TPO: variants seen among roughly 807,000 people sequenced by gnomAD.
TPO encodes thyroid microsomal antigen.
In TPO, 78 loss-of-function variants were observed where a neutral mutation model predicts 96.9. The observed-to-expected ratio is 0.81, with a 90% CI of 0.67 to 0.97. The LOEUF (loss-of-function observed/expected upper bound fraction) is 0.97. Ranked by LOEUF, TPO falls within the 50% of genes least tolerant of loss-of-function variation. The probability of loss-of-function intolerance (pLI) is 0.00; values close to 1 mark genes in which losing one functional copy is unlikely to be tolerated. For missense variants in TPO, 1,252 were observed against 1,274.8 expected (o/e 0.98, Z 0.27); for synonymous variants, 547 against 538.0 (o/e 1.02, Z -0.23).
intron 2 of TPO, among the ~76,000 whole-genome samples, chr2:1,421,863 T>A (rs1663573539): frequency 6.6e-6 from 1 of 152,188 alleles, no homozygotes; most frequent in African/African-American, 2.4e-5. Context: ...CACATTGCAC[T>A]GTCCCCAGCA....
chr2:1,486,088 C>T (rs992021916), intron 9 of TPO, among the ~76,000 whole-genome samples: 18 of 152,132 alleles, frequency 1.2e-4, no homozygotes, highest in Non-Finnish European at 2.1e-4. Flanking sequence ...TAAGGATTTT[C>T]GCATCGATGT....
At chr2:1,542,041 G>A (rs781513349) in intron 16 of TPO, 1 of 293,210 alleles carries the variant, frequency 3.4e-6, no homozygotes, top group Non-Finnish European at 6.4e-6. Flanking sequence ...AGCAAGGGCA[G>A]TGCCAGCAAG....
At position 1,481,189 on chromosome 2, in the gene TPO, G is replaced by C. The variant is rs187484395; in HGVS notation, c.1339-3407G>C. 5.8e-4 allele frequency among the ~76,000 whole-genome samples: 87 copies of C among 150,394 alleles called. No individual in the cohort carries two copies. The East Asian group carries it at 0.015, about 26-fold the overall frequency. ...TCCCAGAAAACCCTAGCTGCTTTAG[G>C]TGTGTCATAAGACAAGAACTCACAA... On this transcript the variant is annotated intron_variant, in intron 8 of 16. Transcript: ENST00000329066.
At chr2:1,403,102 G>A (rs1221331466) in intron 1 of TPO, among the ~76,000 whole-genome samples, 1 of 152,292 alleles carries the variant, frequency 6.6e-6, no homozygotes, top group East Asian at 1.9e-4. Flanking sequence ...TTTGTTTTAT[G>A]AATTGCCTGC....
chr2:1,488,043 C>G, intron 10 of TPO, 52 bp downstream of exon 10: 3 of 1,608,888 alleles, frequency 1.9e-6, no homozygotes, highest in Non-Finnish European at 2.5e-6. Context: ...CGGGATTTGC[C>G]GAGCTAGCAA....
chr2:1,451,233 G>T (rs1460455896), intron 5 of TPO, among the ~76,000 whole-genome samples: 1 of 152,172 alleles, frequency 6.6e-6, no homozygotes, highest in African/African-American at 2.4e-5. Flanking sequence ...GGACAAAACG[G>T]ATCTTTCCTT....
At chr2:1,524,298 C>T (rs1675909158) in intron 15 of TPO, among the ~76,000 whole-genome samples, 1 of 146,066 alleles carries the variant, frequency 6.8e-6, no homozygotes, top group African/African-American at 2.6e-5. Context: ...CTCCTCAAAT[C>T]CCCACACTGT....
At chr2:1,491,329 A>G (rs899195775) in intron 10 of TPO, among the ~76,000 whole-genome samples, 1 of 152,142 alleles carries the variant, frequency 6.6e-6, no homozygotes, top group Admixed American at 6.5e-5. Context: ...CAGGCCTTGC[A>G]TATTTTCCCT....
intron 1 of TPO, among the ~76,000 whole-genome samples, chr2:1,405,940 C>A (rs1662244153): frequency 6.6e-6 from 1 of 152,220 alleles, no homozygotes; most frequent in Non-Finnish European, 1.5e-5. Context: ...ACAGTCACCA[C>A]AATACAATCC....
intron 14 of TPO, among the ~76,000 whole-genome samples, chr2:1,514,999 G>A (rs1674535183): frequency 1.3e-5 from 2 of 152,168 alleles, no homozygotes; most frequent in African/African-American, 4.8e-5. Flanking sequence ...GGCTTTGCTG[G>A]TTTTTGAAGT....
chr2:1,440,951 A>G (rs1432957905), intron 5 of TPO, among the ~76,000 whole-genome samples: 2 of 151,656 alleles, frequency 1.3e-5, no homozygotes, highest in Non-Finnish European at 2.9e-5. Flanking sequence ...TGATCTAGTC[A>G]TTGCCACAGG....
chr2:1,486,963 G>C (rs28911477), intron 9 of TPO, among the ~76,000 whole-genome samples: 1 of 152,216 alleles, frequency 6.6e-6, no homozygotes, highest in Non-Finnish European at 1.5e-5. Flanking sequence ...GATGCATGTC[G>C]TGATTTCTAA....
At chr2:1,542,300 C>T (rs1313631028) in intron 16 of TPO, 121 bp from the exon 17 acceptor site, 7 of 1,344,744 alleles carry the variant, frequency 5.2e-6, no homozygotes, top group East Asian at 2.5e-5. Context: ...TGGCTCATCT[C>T]GCCAGCGGTC....
chr2:1,534,379 A>C, intron 15 of TPO, among the ~76,000 whole-genome samples: 1 of 144,012 alleles, frequency 6.9e-6, no homozygotes, highest in South Asian at 2.3e-4. Context: ...ACCTCCCCAA[A>C]TCCCTCCAAC....
intron 1 of TPO, among the ~76,000 whole-genome samples, chr2:1,380,548 A>C (rs530176795): frequency 6.6e-6 from 1 of 152,130 alleles, no homozygotes; most frequent in Non-Finnish European, 1.5e-5. Flanking sequence ...TTGATATGGA[A>C]ACTCATGATG....
rs550854945 is a variant in TPO at position 1,474,067 on chromosome 2, G to A, written c.820-3019G>A. On this transcript the variant is annotated intron_variant, in intron 7 of 16. Coordinates refer to ENST00000329066, the MANE Select transcript of TPO (RefSeq NM_001206744.2). ...CTAAGTACCAACAATGATAGCGGGA[G>A]TTTCTGCTAGTCCTTAATTTTAAAT... Among the ~76,000 whole-genome samples the A allele has an allele frequency of 7.9e-5, 12 of 152,262 alleles. No individual in the cohort carries two copies. In the East Asian group the frequency reaches 2.3e-3, roughly 29 times the overall value.
intron 15 of TPO, among the ~76,000 whole-genome samples, chr2:1,528,160 C>T (rs1404975887): frequency 7.0e-6 from 1 of 143,428 alleles, no homozygotes; most frequent in Non-Finnish European, 1.5e-5. Flanking sequence ...CCAACCAAAT[C>T]TCACCCACTG....
intron 10 of TPO, among the ~76,000 whole-genome samples, chr2:1,490,574 C>A (rs1014010111): frequency 2.0e-5 from 3 of 152,194 alleles, no homozygotes; most frequent in Admixed American, 6.5e-5. Context: ...CACTCTATAC[C>A]CCAGCCACCG....
In TPO at chr2:1,423,168, G is replaced by T. The variant is rs28909374; in HGVS notation, c.179+39G>T. 16,498 of 1,593,812 alleles carry T rather than the reference G, an allele frequency of 0.01. 742 individuals are homozygous for T. The East Asian group carries it at 0.14, about 13-fold the overall frequency. On this transcript the variant is annotated intron_variant, in intron 3 of 16. Transcript: ENST00000329066. ...AGGGGCCGCCGCCCCAAATGCCACC[G>T]ACAGGCGCATCCTCCCTGACATCCA...
Sources: gnomAD v4.1 joint callset for allele counts (sites outside exome capture counted in the v4.1 genomes callset) on GRCh38, gnomAD v4.1.1 for gene constraint, MANE v1.5 for transcripts, NCBI Gene and HGNC (gene_info 2026-07-23, HGNC 2026-07-21) for gene names.